The following ZCCHC2 variants were observed in gnomAD, a reference collection of about 807,000 sequenced individuals.
ZCCHC2 encodes the protein zinc finger CCHC-type containing 2.
A neutral mutation model predicts 103.6 loss-of-function variants in ZCCHC2; 39 were observed. The observed-to-expected ratio is 0.38, with a 90% CI of 0.29 to 0.49. The LOEUF is 0.49. Among genes scored for constraint, ZCCHC2 ranks in the 20% least tolerant of loss-of-function variants. The pLI is 0.96. For synonymous variants in ZCCHC2, 687 were observed against 608.9 expected (o/e 1.13, Z -1.89); for missense variants, 1,483 against 1,491.0 (o/e 0.99, Z 0.09).
At position 62,575,313 on chromosome 18, in the gene ZCCHC2, A is replaced by T. The variant is rs773749989; in HGVS notation, c.3232A>T (p.Thr1078Ser). The T allele has an allele frequency of 1.3e-5, 21 of 1,613,774 alleles. No homozygotes were observed. Among genetic ancestry groups the T allele is most frequent in the Non-Finnish European group, 1.8e-5 (21 of 1,179,830 alleles). Residue 1078 changes from threonine to serine, a missense_variant, in exon 13 of 14, where the codon ACT becomes TCT. Thr to Ser is a moderately conservative substitution (Grantham distance 58). This residue lies in a region of ZCCHC2 where 884 missense variants were observed against 907.5 expected (regional missense o/e 0.97). Transcript: ENST00000269499. ...GNQLPFFLPQTPYANGLVHDP... is the reference protein window; with the variant it reads ...GNQLPFFLPQSPYANGLVHDP... The stretch of plus-strand genomic sequence containing the variant: ...CCAACTTCCTTTTTTTCTGCCTCAG[A>T]CTCCATATGCAAATGGACTGGTACA...
chr18:62,582,065 G>A (rs1235549125), downstream of ZCCHC2, among the ~76,000 whole-genome samples: 1 of 152,256 alleles, frequency 6.6e-6, no homozygotes, highest in African/African-American at 2.4e-5. Context: ...TTATAAAAGA[G>A]TTTCAAGATT....
At chr18:62,544,206 T>G (rs1333543597) in intron 3 of ZCCHC2, among the ~76,000 whole-genome samples, 2 of 152,172 alleles carry the variant, frequency 1.3e-5, no homozygotes, top group Non-Finnish European at 2.9e-5. Context: ...GCAACCTACT[T>G]AGAGTCACAC....
chr18:62,538,287 G>C (rs577142362), intron 1 of ZCCHC2, among the ~76,000 whole-genome samples: 4 of 146,754 alleles, frequency 2.7e-5, no homozygotes, highest in Non-Finnish European at 4.5e-5. Context: ...AGAAAGAATT[G>C]GTTAACCTAT....
chr18:62,539,010 T>A (rs1466788123), intron 1 of ZCCHC2, among the ~76,000 whole-genome samples: 2 of 147,972 alleles, frequency 1.4e-5, no homozygotes, highest in East Asian at 4.0e-4. Context: ...TAATATGATG[T>A]TGTAACAGTT....
chr18:62,576,819 A>G lies in ZCCHC2; in HGVS notation c.*240A>G, dbSNP rs1284537882. On this transcript the variant is annotated 3_prime_UTR_variant, in exon 14 of 14. Coordinates refer to ENST00000269499, the MANE Select transcript of ZCCHC2 (RefSeq NM_017742.6). ...TATGATACATGTAATTTAAACCTTC[A>G]GACAAACTTAAATGTTGGTGCGTGC... is the stretch of plus-strand genomic sequence containing the variant. 2 of 381,232 alleles carry G rather than the reference A, an allele frequency of 5.2e-6. No homozygotes were observed. The highest frequency in any genetic ancestry group is 9.4e-6 in the Non-Finnish European group (2 of 212,354). 23.6% of individuals were successfully genotyped at this position (381,232 alleles called of 1,614,324 possible). A position where few individuals can be genotyped will look rare whatever the true frequency, so the allele number is the denominator to read the frequency against.
intron 1 of ZCCHC2, among the ~76,000 whole-genome samples, chr18:62,535,582 T>G (rs1335718422): frequency 1.3e-5 from 2 of 152,168 alleles, no homozygotes; most frequent in Non-Finnish European, 2.9e-5. Context: ...CCCTCTCCTC[T>G]CTCCACGTGG....
intron 1 of ZCCHC2, 126 bp from the exon 2 acceptor site, chr18:62,539,555 A>G (rs749196021): frequency 3.1e-6 from 2 of 645,138 alleles, no homozygotes; most frequent in Non-Finnish European, 2.7e-6. Context: ...CATAGTGTGC[A>G]GTCACCTATT....
intron 8 of ZCCHC2, among the ~76,000 whole-genome samples, chr18:62,561,396 TC>T (rs1238096183): frequency 3.3e-5 from 5 of 152,236 alleles, no homozygotes; most frequent in Non-Finnish European, 1.5e-5. Context: ...CTCCTGCAGA[TC>T]CCATAAAACC....
downstream of ZCCHC2, among the ~76,000 whole-genome samples, chr18:62,578,765 C>A (rs1432868293): frequency 6.6e-6 from 1 of 152,126 alleles, no homozygotes; most frequent in African/African-American, 2.4e-5. Context: ...GTTCTTCCCC[C>A]AAATAACCTT....
chr18:62,526,995 C>A (rs1470697840), intron 1 of ZCCHC2: 2 of 108,892 alleles, frequency 1.8e-5, no homozygotes, highest in East Asian at 6.9e-4. Flanking sequence ...AAGGGAAATT[C>A]GTGTGGCAGC....
chr18:62,570,638 T>G (rs1320588448), intron 12 of ZCCHC2, among the ~76,000 whole-genome samples: 6 of 152,246 alleles, frequency 3.9e-5, no homozygotes. Flanking sequence ...AAGTCTATTT[T>G]GTCTGAGAAT....
rs908481820 is a variant in ZCCHC2 at position 62,523,317 on chromosome 18, A to G, written c.-108A>G. 2 of 836,882 alleles carry G rather than the reference A, an allele frequency of 2.4e-6. No homozygotes were observed. Among genetic ancestry groups the G allele is most frequent in the African/African-American group, 2.0e-5 (1 of 50,346 alleles). The allele number at this position is 836,882 out of a possible 1,614,324, so 51.8% of individuals were successfully genotyped here. On this transcript the variant is annotated 5_prime_UTR_variant, in exon 1 of 14. An upstream start codon of the reference 5' UTR is lost. Coordinates refer to ENST00000269499, the MANE Select transcript of ZCCHC2 (RefSeq NM_017742.6). Reference sequence around the variant, plus strand: ...CCGGCCCCGGCCCTCCCCCGGCGGCATGGAGGGGCCCCGCTCCTGACGGCC... The same window carrying G: ...CCGGCCCCGGCCCTCCCCCGGCGGCGTGGAGGGGCCCCGCTCCTGACGGCC...
intron 7 of ZCCHC2, 162 bp from the exon 8 acceptor site, chr18:62,560,425 G>A: frequency 2.1e-6 from 1 of 470,456 alleles, no homozygotes; most frequent in Non-Finnish European, 3.8e-6. Flanking sequence ...AGTTTACTGT[G>A]TTTTTGAAAA....
chr18:62,555,254 A>G lies in ZCCHC2; in HGVS notation c.1314-949A>G, dbSNP rs1404496577. ...ATTCTTTGCCCAAGAGCCCTTTTACAGGTACCACTGTCGGGAAGACCTCCA... is the reference window on the plus strand; with the variant it reads ...ATTCTTTGCCCAAGAGCCCTTTTACGGGTACCACTGTCGGGAAGACCTCCA... On this transcript the variant is annotated intron_variant, in intron 5 of 13. Transcript: ENST00000269499. 2.0e-5 allele frequency among the ~76,000 whole-genome samples: 3 copies of G among 152,202 alleles called. No individual in the cohort carries two copies. The East Asian group carries it at 5.8e-4, about 29-fold the overall frequency.
At chr18:62,565,222 T>G (rs993168370) in intron 11 of ZCCHC2, 126 bp downstream of exon 11, 3 of 653,854 alleles carry the variant, frequency 4.6e-6, no homozygotes, top group African/African-American at 1.8e-5. Flanking sequence ...TGTGTTGATA[T>G]GTACAGCAAT....
chr18:62,585,299 G>A (rs538333291), exon 15 of ZCCHC2: 15 of 152,378 alleles, frequency 9.8e-5, no homozygotes, highest in Admixed American at 4.6e-4. Flanking sequence ...ATCTACTGAA[G>A]CAGTGGGGCA....
In ZCCHC2 at chr18:62,523,408, C is replaced by T; in HGVS notation, c.-17C>T. 4 of 734,514 alleles carry T rather than the reference C, an allele frequency of 5.4e-6. No homozygotes were observed. The highest frequency in any genetic ancestry group is 6.8e-6 in the Non-Finnish European group (4 of 587,368). The allele number at this position is 734,514 out of a possible 1,614,324, so 45.5% of individuals were successfully genotyped here. ...CCGCCCGCCCCCGCTCGCATGTCTG[C>T]GCCGCCCTAGCCGAGGATGCTGAGG... On this transcript the variant is annotated 5_prime_UTR_variant, in exon 1 of 14. Coordinates refer to ENST00000269499, the MANE Select transcript of ZCCHC2 (RefSeq NM_017742.6).
At chr18:62,563,824 T>C (rs897493987) in intron 9 of ZCCHC2, among the ~76,000 whole-genome samples, 3 of 152,240 alleles carry the variant, frequency 2.0e-5, no homozygotes, top group Admixed American at 1.3e-4. Flanking sequence ...CAACTGACCT[T>C]TCTTCATGAA....
chr18:62,536,604 C>CG lies in ZCCHC2; in HGVS notation c.940-3076dup, dbSNP rs1325077253. On this transcript the variant is annotated intron_variant, in intron 1 of 13. Coordinates refer to ENST00000269499, the MANE Select transcript of ZCCHC2 (RefSeq NM_017742.6). ...AGAGGGAGTGCAGGGCAGACAGCATCGCCGAGCAGCCACCCACCATTGGGG... is the reference window on the plus strand; with the variant it reads ...AGAGGGAGTGCAGGGCAGACAGCATCGGCCGAGCAGCCACCCACCATTGGGG... Among the ~76,000 whole-genome samples the CG allele has an allele frequency of 4.6e-5, 7 of 152,290 alleles. No homozygotes were observed. In the East Asian group the frequency reaches 1.4e-3, roughly 29 times the overall value.
Sources: gnomAD v4.1 joint callset for allele counts (sites outside exome capture counted in the v4.1 genomes callset) on GRCh38, gnomAD v4.1.1 for gene constraint, gnomAD v4.1.1 regional missense constraint, MANE v1.5 for transcripts, NCBI Gene and HGNC (gene_info 2026-07-23, HGNC 2026-07-21) for gene names.